Variants in TLL2 observed in about 807,000 individuals in gnomAD.
TLL2 encodes tolloid-like protein 2.
Under a neutral mutation model 123.0 loss-of-function variants are expected in TLL2, and 106 were observed. That is an observed-to-expected ratio of 0.86 (90% CI 0.74 to 1.01). The LOEUF is 1.01. TLL2 is among the 50% of genes least tolerant of loss of function. TLL2 has a pLI of 0.00. For synonymous variants in TLL2, 494 were observed against 516.8 expected (o/e 0.96, Z 0.60); for missense variants, 1,332 against 1,336.7 (o/e 1.00, Z 0.06).
chr10:96,479,988 G>A (rs568831842), intron 2 of TLL2, among the ~76,000 whole-genome samples: 204 of 152,256 alleles, frequency 1.3e-3, no homozygotes, highest in Admixed American at 3.7e-3. Flanking sequence ...TCTTCCCACT[G>A]CTCTTGGTTT....
intron 3 of TLL2, among the ~76,000 whole-genome samples, chr10:96,440,460 C>T (rs1439239194): frequency 1.3e-5 from 2 of 152,202 alleles, no homozygotes. Flanking sequence ...GAGAATTATC[C>T]AGTCTTAAGT....
At chr10:96,444,965 A>G (rs887305772) in intron 3 of TLL2, among the ~76,000 whole-genome samples, 4 of 152,164 alleles carry the variant, frequency 2.6e-5, no homozygotes, top group East Asian at 1.9e-4. Context: ...CGAGGCGGGC[A>G]GATCACGAGG....
intron 2 of TLL2, among the ~76,000 whole-genome samples, chr10:96,461,809 C>T (rs1442312733): frequency 6.6e-6 from 1 of 152,342 alleles, no homozygotes; most frequent in East Asian, 1.9e-4. Context: ...CTGTGCCAGG[C>T]ACCATCCCAG....
In TLL2 at chr10:96,365,652, C is replaced by T. The variant is rs1280131816; in HGVS notation, c.*2436G>A. On this transcript the variant is annotated 3_prime_UTR_variant, in exon 21 of 21. Coordinates refer to ENST00000357947, the MANE Select transcript of TLL2 (RefSeq NM_012465.4). ...TAATTGGAAGCACCAAGGCAGAGGCCTGGGACTTTCTGCTGAATGGACTCT... is the reference window on the plus strand; with the variant it reads ...TAATTGGAAGCACCAAGGCAGAGGCTTGGGACTTTCTGCTGAATGGACTCT... 6.6e-6 allele frequency: 1 copy of T among 152,240 alleles called. No individual in the cohort carries two copies. The highest frequency in any genetic ancestry group is 1.5e-5 in the Non-Finnish European group (1 of 68,042). 9.4% of individuals were successfully genotyped at this position (152,240 alleles called of 1,614,324 possible). A position where few individuals can be genotyped will look rare whatever the true frequency, so the allele number is the denominator to read the frequency against.
chr10:96,452,621 C>G (rs1292743960), intron 2 of TLL2, among the ~76,000 whole-genome samples: 1 of 152,170 alleles, frequency 6.6e-6, no homozygotes, highest in Admixed American at 6.5e-5. Flanking sequence ...TGTTCAAGGT[C>G]ACCCAGCTAG....
At chr10:96,428,084 C>A (rs939689253) in intron 5 of TLL2, among the ~76,000 whole-genome samples, 1 of 152,170 alleles carries the variant, frequency 6.6e-6, no homozygotes, top group Non-Finnish European at 1.5e-5. Context: ...CGTGACTCAC[C>A]GCTCCTGGCC....
chr10:96,492,336 G>A (rs1323165918), intron 1 of TLL2, among the ~76,000 whole-genome samples: 1 of 152,098 alleles, frequency 6.6e-6, no homozygotes, highest in African/African-American at 2.4e-5. Context: ...TCCAAAATCA[G>A]ATCCCTGCTA....
chr10:96,402,131 C>T (rs558730258), intron 10 of TLL2, among the ~76,000 whole-genome samples: 1 of 152,328 alleles, frequency 6.6e-6, no homozygotes, highest in East Asian at 1.9e-4. Flanking sequence ...AAACTCCTCC[C>T]ACATAGCTCT....
chr10:96,404,395 A>G (rs1846429463), intron 10 of TLL2, among the ~76,000 whole-genome samples: 2 of 152,348 alleles, frequency 1.3e-5, no homozygotes, highest in South Asian at 4.1e-4. Context: ...CACGCTCATC[A>G]TAGAAAAACT....
chr10:96,456,722 G>T (rs1010029528), intron 2 of TLL2, among the ~76,000 whole-genome samples: 3 of 152,178 alleles, frequency 2.0e-5, no homozygotes, highest in African/African-American at 7.2e-5. Flanking sequence ...TCTGGCCAGG[G>T]CTTACCACCT....
intron 16 of TLL2, 149 bp from the exon 17 acceptor site, chr10:96,379,241 A>G: frequency 9.8e-7 from 1 of 1,019,920 alleles, no homozygotes; most frequent in South Asian, 1.6e-5. Context: ...TGGAGGAGTG[A>G]AGTGGGAAGC....
rs747326768 is a variant in TLL2 at position 96,508,829 on chromosome 10, C to T, written c.175+4682G>A. The stretch of plus-strand genomic sequence containing the variant: ...GCAAGTCATCTTTTCCAAAACTGGC[C>T]GCAATGACATCTCTCATTTCATGTG... On this transcript the variant is annotated intron_variant, in intron 1 of 20. Transcript: ENST00000357947. Among the ~76,000 whole-genome samples the T allele has an allele frequency of 3.3e-5, 5 of 151,918 alleles. No homozygotes were observed. The East Asian group carries it at 5.8e-4, about 18-fold the overall frequency.
In TLL2 at chr10:96,470,794, G is replaced by A. The variant is rs1205321084; in HGVS notation, c.286+9555C>T. On this transcript the variant is annotated intron_variant, in intron 2 of 20. Coordinates refer to ENST00000357947, the MANE Select transcript of TLL2 (RefSeq NM_012465.4). ...ATTTCCACACCTACACGTACTAATA[G>A]TACCTACCACATAGAACTGTTGTGT... Among the ~76,000 whole-genome samples the A allele has an allele frequency of 2.0e-5, 3 of 152,266 alleles. No individual in the cohort carries two copies. In the East Asian group the frequency reaches 5.8e-4, roughly 29 times the overall value.
At chr10:96,505,675 C>T (rs1474320383) in intron 1 of TLL2, among the ~76,000 whole-genome samples, 1 of 152,198 alleles carries the variant, frequency 6.6e-6, no homozygotes, top group Non-Finnish European at 1.5e-5. Context: ...CCTCTAGCAC[C>T]TGCTGCTTTG....
intron 5 of TLL2, 57 bp downstream of exon 5, chr10:96,428,574 A>C: frequency 2.7e-6 from 3 of 1,113,546 alleles, no homozygotes; most frequent in Non-Finnish European, 4.0e-6. Context: ...AGAAAATTCA[A>C]CACTCATGAG....
At chr10:96,384,980 C>G (rs1392743325) in intron 15 of TLL2, among the ~76,000 whole-genome samples, 1 of 152,220 alleles carries the variant, frequency 6.6e-6, no homozygotes, top group African/African-American at 2.4e-5. Context: ...GGTGCCATCG[C>G]CTGGCACAAG....
rs1846439294 is a variant in TLL2, at chr10:96,405,313, T to C, written c.1186A>G (p.Met396Val). 1.2e-6 allele frequency: 2 copies of C among 1,614,124 alleles called. No individual in the cohort carries two copies. The highest frequency in any genetic ancestry group is 1.7e-6 in the Non-Finnish European group (2 of 1,180,004). The change falls in exon 10 of 21, where the codon ATG (methionine) becomes GTG (valine). Residue 396 changes from methionine (M) to valine (V), a missense_variant. Transcript: ENST00000357947. ...GEKIVLNFTS[M>V]DLFKSRLCWY... ...CACAGTCGGCTTTTAAACAAATCCA[T>C]GGATGTGAAGTTTAATACGATCTGT... is the stretch of plus-strand genomic sequence containing the variant.
At chr10:96,439,129 C>G in intron 3 of TLL2, among the ~76,000 whole-genome samples, 1 of 138,392 alleles carries the variant, frequency 7.2e-6, no homozygotes, top group African/African-American at 2.8e-5. Flanking sequence ...GAGACGGAGT[C>G]TCACTCTGTT....
At chr10:96,403,983 T>C (rs200071256) in intron 10 of TLL2, among the ~76,000 whole-genome samples, 11 of 151,680 alleles carry the variant, frequency 7.3e-5, no homozygotes, top group African/African-American at 1.9e-4. Flanking sequence ...AACTTAATTA[T>C]GACATAGATT....
Sources: allele counts gnomAD v4.1 joint callset (sites outside exome capture counted in the v4.1 genomes callset), GRCh38; gene constraint gnomAD v4.1.1; transcripts MANE v1.5; gene names NCBI Gene and HGNC (gene_info 2026-07-23, HGNC 2026-07-21).